The following COL9A1 variants were observed in gnomAD, a reference collection of about 807,000 sequenced individuals.
The protein encoded by COL9A1 is collagen alpha-1(IX) chain.
Under a neutral mutation model 142.6 loss-of-function variants are expected in COL9A1, and 104 were observed. The ratio of observed to expected loss-of-function variants is 0.73; its 90% CI spans 0.62 to 0.86. The LOEUF (loss-of-function observed/expected upper bound fraction) is 0.86, where lower values mean the gene tolerates loss of function less well. Ranked by LOEUF, COL9A1 falls within the 40% of genes least tolerant of loss-of-function variation. The pLI is 0.00. For missense variants in COL9A1, 1,210 were observed against 1,176.6 expected, an observed-to-expected ratio of 1.03 and a Z score of -0.42; for synonymous variants, 466 against 396.0, an observed-to-expected ratio of 1.18 and a Z score of -2.10.
At chr6:70,260,281 C>T (rs1198822763) in intron 20 of COL9A1, among the ~76,000 whole-genome samples, 7 of 152,134 alleles carry the variant, frequency 4.6e-5, no homozygotes, top group African/African-American at 1.7e-4. Context: ...GTGGCTCACA[C>T]CTGTAATCCC....
intron 14 of COL9A1, 70 bp from the exon 15 acceptor site, chr6:70,270,437 G>A (rs1472548223): frequency 3.5e-6 from 5 of 1,437,716 alleles, no homozygotes; most frequent in Non-Finnish European, 4.8e-6. Flanking sequence ...AACCAGTGAG[G>A]CATAAGAGAA....
chr6:70,264,836 T>A (rs963276971), intron 18 of COL9A1, among the ~76,000 whole-genome samples: 2 of 152,128 alleles, frequency 1.3e-5, no homozygotes, highest in African/African-American at 4.8e-5. Context: ...TTACTATTAA[T>A]TCCTATATTC....
chr6:70,215,189 G>A (rs1356557307), downstream of COL9A1: 1 of 152,088 alleles, frequency 6.6e-6, no homozygotes, highest in East Asian at 1.9e-4. Context: ...AAAAGGGAAA[G>A]AACATTCTTT....
At position 70,232,767 on chromosome 6, in the gene COL9A1, A is replaced by AT. The variant is rs1263085977; in HGVS notation, c.2318dup (p.His773GlnfsTer4). 1 of 1,611,144 alleles carries AT rather than the reference A, an allele frequency of 6.2e-7. No individual in the cohort carries two copies. Among genetic ancestry groups the AT allele is most frequent in the African/African-American group, 1.3e-5 (1 of 74,852 alleles). On this transcript the variant is annotated frameshift_variant, in exon 36 of 38. Coordinates refer to ENST00000357250, the MANE Select transcript of COL9A1 (RefSeq NM_001851.6). LOFTEE classifies it high-confidence loss of function. The stretch of plus-strand genomic sequence containing the variant: ...TAAGACTGGCAGCCATCTCAGCAAA[A>AT]TGTTCTAAAAGAGAATAAACAAAAC...
rs199561673 is a variant in COL9A1, at chr6:70,274,694, A to C, written c.1029+25T>G. 1,186 of 1,588,870 alleles carry C rather than the reference A, an allele frequency of 7.5e-4. 1 individual carries two copies. Among genetic ancestry groups the C allele is most frequent in the Non-Finnish European group, 9.7e-4 (1,122 of 1,157,696 alleles). The stretch of plus-strand genomic sequence containing the variant: ...TATACTTCAGCATTTTCGTACTAGC[A>C]ATTAATGCCAGATGGCTAACTTACT... On this transcript the variant is annotated intron_variant, in intron 11 of 37. Transcript: ENST00000357250.
Position 70,271,722 on chromosome 6 carries a change from A to C in COL9A1, c.1090-14T>G. 1 of 1,612,102 alleles carries C rather than the reference A, an allele frequency of 6.2e-7. No individual in the cohort carries two copies. On this transcript the variant is annotated splice_polypyrimidine_tract_variant and intron_variant, in intron 13 of 37. Transcript: ENST00000357250. ...CCCAGGAGGACCCTGAAGTCAACAAATCAAAGCAAATGGTCATTTATGAAT... is the reference window on the plus strand; with the variant it reads ...CCCAGGAGGACCCTGAAGTCAACAACTCAAAGCAAATGGTCATTTATGAAT...
At chr6:70,278,889 T>A (rs1270584516) in intron 10 of COL9A1, among the ~76,000 whole-genome samples, 4 of 152,214 alleles carry the variant, frequency 2.6e-5, no homozygotes, top group Non-Finnish European at 4.4e-5. Context: ...TATGACACCA[T>A]GGTATAAGGT....
chr6:70,297,842 A>G (rs1773901720), intron 4 of COL9A1, among the ~76,000 whole-genome samples: 2 of 152,092 alleles, frequency 1.3e-5, no homozygotes, highest in Admixed American at 6.6e-5. Flanking sequence ...GCTTAAAATA[A>G]GGAATAAAAA....
chr6:70,231,653 C>T (rs1769551359), intron 36 of COL9A1, among the ~76,000 whole-genome samples: 1 of 151,358 alleles, frequency 6.6e-6, no homozygotes, highest in Non-Finnish European at 1.5e-5. Context: ...AAAAAGGCAG[C>T]TTGCTTGCCA....
chr6:70,240,596 C>A, intron 32 of COL9A1, 93 bp downstream of exon 32: 13 of 655,488 alleles, frequency 2.0e-5, no homozygotes, highest in African/African-American at 8.3e-5. Context: ...TATATATATA[C>A]CAATTTTGAA....
chr6:70,236,162 ACTTACTT>A (rs1769898235), intron 33 of COL9A1, among the ~76,000 whole-genome samples: 1 of 151,130 alleles, frequency 6.6e-6, no homozygotes, highest in African/African-American at 2.4e-5. Flanking sequence ...GAAAGTTACA[ACTTACTT>A]AAGTATGAAG....
intron 29 of COL9A1, 129 bp downstream of exon 29, chr6:70,242,533 T>G: frequency 2.4e-6 from 2 of 844,186 alleles, no homozygotes; most frequent in Non-Finnish European, 4.0e-6. Context: ...CTTTACATTG[T>G]TCTCATATTC....
Position 70,294,459 on chromosome 6 carries a change from T to G in COL9A1, c.404A>C (p.Asp135Ala), listed in dbSNP as rs1202257253. The part of the protein sequence containing the change: ...KKNWNIWQIQ[D>A]SSGKEQVGIK... ...GCCAACTTGCTCCTTCCCAGAGGAA[T>G]CCTGAATCTGCCAAATGTTCCAGTT... The change falls in exon 5 of 38, where the codon GAT (aspartate) becomes GCT (alanine). Residue 135 changes from aspartate to alanine, a missense_variant. Transcript: ENST00000357250. 6.2e-7 allele frequency: 1 copy of G among 1,614,138 alleles called. No individual in the cohort carries two copies. Among genetic ancestry groups the G allele is most frequent in the African/African-American group, 1.3e-5 (1 of 75,038 alleles).
At chr6:70,281,583 G>A (rs1180883445) in intron 7 of COL9A1, 119 bp from the exon 8 acceptor site, 3 of 727,842 alleles carry the variant, frequency 4.1e-6, no homozygotes, top group Admixed American at 6.0e-5. Context: ...AGGAGGCCGG[G>A]TTTTGCAACC....
chr6:70,235,049 C>T (rs1419942272), intron 33 of COL9A1, 109 bp from the exon 34 acceptor site: 18 of 1,343,786 alleles, frequency 1.3e-5, no homozygotes, highest in Non-Finnish European at 1.8e-5. Flanking sequence ...CACTCTGCAT[C>T]CTAACAGGTG....
At chr6:70,255,226 T>C (rs1771203467) in intron 22 of COL9A1, 23 bp from the exon 23 acceptor site, 1 of 1,613,952 alleles carries the variant, frequency 6.2e-7, no homozygotes, top group Non-Finnish European at 8.5e-7. Context: ...AGAGAAAGAA[T>C]AGACAAGACA....
rs756874626 is a variant in COL9A1 at position 70,294,580 on chromosome 6, A to G, written c.300-17T>C. ...TATAAATTCCTGAGTAAAATTTTTA[A>G]ATAGTAAACATGCATCTTGTTTCCT... On this transcript the variant is annotated splice_polypyrimidine_tract_variant and intron_variant, in intron 4 of 37. Transcript: ENST00000357250. 1.1e-5 allele frequency: 17 copies of G among 1,612,540 alleles called. No homozygotes were observed. The highest frequency in any genetic ancestry group is 1.4e-5 in the Non-Finnish European group (17 of 1,178,896).
chr6:70,285,152 T>C (rs1033997755), intron 5 of COL9A1, among the ~76,000 whole-genome samples: 3 of 152,250 alleles, frequency 2.0e-5, no homozygotes, highest in Non-Finnish European at 4.4e-5. Context: ...TAATTCTCTC[T>C]GGATAAACTG....
chr6:70,282,796 T>A, intron 7 of COL9A1, 102 bp downstream of exon 7: 2 of 1,566,492 alleles, frequency 1.3e-6, no homozygotes, highest in South Asian at 2.3e-5. Context: ...CTGAGAGCCC[T>A]GGGGATGCTC....
Sources: gnomAD v4.1 joint callset for allele counts (sites outside exome capture counted in the v4.1 genomes callset) on GRCh38, gnomAD v4.1.1 for gene constraint, MANE v1.5 for transcripts, NCBI Gene and HGNC (gene_info 2026-07-23, HGNC 2026-07-21) for gene names.